Variants in KCNB2 observed in about 807,000 individuals in gnomAD.
KCNB2 encodes potassium voltage-gated channel subfamily B member 2.
KCNB2 carries 15 observed loss-of-function variants against 61.5 expected under a neutral mutation model. That is an observed-to-expected ratio of 0.24 (90% CI 0.16 to 0.38). KCNB2 has a LOEUF of 0.38. Ranked by LOEUF, KCNB2 falls within the 10% of genes least tolerant of loss-of-function variation. The probability of loss-of-function intolerance (pLI) is 1.00; values close to 1 mark genes in which losing one functional copy is unlikely to be tolerated. For synonymous variants in KCNB2, 457 were observed against 446.0 expected, an observed-to-expected ratio of 1.02 and a Z score of -0.31; for missense variants, 828 against 1,125.2, an observed-to-expected ratio of 0.74 and a Z score of 3.78.
intron 2 of KCNB2, among the ~76,000 whole-genome samples, chr8:72,686,629 G>A (rs930638150): frequency 1.3e-5 from 2 of 152,170 alleles, no homozygotes; most frequent in Admixed American, 6.5e-5. Flanking sequence ...TAAGCAACCT[G>A]AAAACAACCT....
At chr8:72,763,151 C>A (rs564171306) in intron 2 of KCNB2, among the ~76,000 whole-genome samples, 6 of 151,908 alleles carry the variant, frequency 3.9e-5, no homozygotes, top group African/African-American at 1.4e-4. Flanking sequence ...TGAGAAAGGG[C>A]TTCTCTCTAG....
intron 2 of KCNB2, among the ~76,000 whole-genome samples, chr8:72,894,618 C>A (rs1805956782): frequency 7.2e-6 from 1 of 139,006 alleles, no homozygotes; most frequent in South Asian, 2.3e-4. Flanking sequence ...AAACCTTCAT[C>A]AATCTTTCCA....
intron 2 of KCNB2, among the ~76,000 whole-genome samples, chr8:72,794,787 A>C (rs1174173004): frequency 1.3e-5 from 2 of 152,204 alleles, no homozygotes; most frequent in African/African-American, 4.8e-5. Context: ...CAAATTTAGA[A>C]GCCCCCATTA....
chr8:72,744,481 G>A (rs1361085493), intron 2 of KCNB2, among the ~76,000 whole-genome samples: 1 of 152,098 alleles, frequency 6.6e-6, no homozygotes, highest in South Asian at 2.1e-4. Flanking sequence ...TTATTTGTGT[G>A]GGAGAGGTGG....
chr8:72,539,868 A>G (rs1441168777), intron 1 of KCNB2, among the ~76,000 whole-genome samples: 1 of 152,148 alleles, frequency 6.6e-6, no homozygotes, highest in Non-Finnish European at 1.5e-5. Context: ...TTTGGCTTTT[A>G]AAACTTCATA....
chr8:72,927,180 G>A (rs534784446), intron 2 of KCNB2, among the ~76,000 whole-genome samples: 20 of 152,064 alleles, frequency 1.3e-4, no homozygotes, highest in Non-Finnish European at 2.8e-4. Flanking sequence ...AGAAGGAAGC[G>A]CGTCAAACTC....
chr8:72,704,603 A>C (rs1285749852), intron 2 of KCNB2, among the ~76,000 whole-genome samples: 1 of 151,890 alleles, frequency 6.6e-6, no homozygotes, highest in Non-Finnish European at 1.5e-5. Context: ...GTGTCCCCAA[A>C]AGGACCTCAG....
intron 1 of KCNB2, among the ~76,000 whole-genome samples, chr8:72,539,010 A>G (rs190898863): frequency 2.0e-5 from 3 of 152,316 alleles, no homozygotes; most frequent in African/African-American, 7.2e-5. Flanking sequence ...AAAGAGGGTA[A>G]CATTCTAAAG....
chr8:72,764,464 G>T (rs367640506), intron 2 of KCNB2, among the ~76,000 whole-genome samples: 84 of 152,262 alleles, frequency 5.5e-4, no homozygotes, highest in African/African-American at 1.9e-3. Flanking sequence ...CAGGGCTCAT[G>T]GTTCTATCAA....
intron 2 of KCNB2, among the ~76,000 whole-genome samples, chr8:72,655,174 C>G (rs570951679): frequency 6.6e-6 from 1 of 152,174 alleles, no homozygotes; most frequent in South Asian, 2.1e-4. Context: ...AGGCTATTAT[C>G]CTAAGCAAAC....
intron 2 of KCNB2, chr8:72,619,372 C>G: frequency 1.9e-6 from 1 of 533,574 alleles, no homozygotes; most frequent in Non-Finnish European, 3.7e-6. Context: ...TATTCACTTG[C>G]TTTCTGCCTG....
At position 72,870,127 on chromosome 8, in the gene KCNB2, G is replaced by A. The variant is rs1805593043; in HGVS notation, c.580-65808G>A. Among the ~76,000 whole-genome samples the A allele has an allele frequency of 3.3e-5, 5 of 152,166 alleles. No individual in the cohort carries two copies. In the South Asian group the frequency reaches 8.3e-4, roughly 25 times the overall value. On this transcript the variant is annotated intron_variant, in intron 2 of 2. Coordinates refer to ENST00000523207, the MANE Select transcript of KCNB2 (RefSeq NM_004770.3). Reference sequence around the variant, plus strand: ...TACTGAATGATTCCATTTATATGAAGTTCCTAGAGTAGTCACATTCATAGA... The same window carrying A: ...TACTGAATGATTCCATTTATATGAAATTCCTAGAGTAGTCACATTCATAGA...
At chr8:72,734,626 C>T (rs114856289) in intron 2 of KCNB2, among the ~76,000 whole-genome samples, 2,553 of 152,138 alleles carry the variant, frequency 0.017, 65 homozygotes, top group African/African-American at 0.059. Context: ...GAATATTCCC[C>T]GGGAGAAGAA....
At chr8:72,583,145 A>G (rs1195576274) in intron 2 of KCNB2, among the ~76,000 whole-genome samples, 1 of 152,156 alleles carries the variant, frequency 6.6e-6, no homozygotes, top group Non-Finnish European at 1.5e-5. Context: ...CTACTTGGTG[A>G]TAAAGAATGT....
chr8:72,918,043 C>G (rs908051346), intron 2 of KCNB2, among the ~76,000 whole-genome samples: 1 of 152,176 alleles, frequency 6.6e-6, no homozygotes, highest in Non-Finnish European at 1.5e-5. Context: ...TGCCAATATG[C>G]AAACAGGCAA....
intron 2 of KCNB2, among the ~76,000 whole-genome samples, chr8:72,925,041 G>T (rs1472651353): frequency 6.6e-6 from 1 of 152,164 alleles, no homozygotes. Context: ...TCTTAATGAT[G>T]CTGACCCCAA....
At chr8:72,867,650 A>G (rs1394234365) in intron 2 of KCNB2, among the ~76,000 whole-genome samples, 1 of 152,228 alleles carries the variant, frequency 6.6e-6, no homozygotes, top group Non-Finnish European at 1.5e-5. Context: ...TAGTGAGTTG[A>G]GACATTTTTT....
chr8:72,797,183 AAG>A (rs1563388092), intron 2 of KCNB2, among the ~76,000 whole-genome samples: 1 of 152,216 alleles, frequency 6.6e-6, no homozygotes, highest in Non-Finnish European at 1.5e-5. Flanking sequence ...TAATCTCTAA[AAG>A]AGAATCCTTG....
chr8:72,658,176 ACAGT>A (rs1348998064), intron 2 of KCNB2, among the ~76,000 whole-genome samples: 1 of 152,210 alleles, frequency 6.6e-6, no homozygotes, highest in Admixed American at 6.5e-5. Context: ...CTTGAGCCAC[ACAGT>A]CAGCCAAGTT....
Sources: allele counts gnomAD v4.1 joint callset (sites outside exome capture counted in the v4.1 genomes callset), GRCh38; gene constraint gnomAD v4.1.1; transcripts MANE v1.5; gene names NCBI Gene and HGNC (gene_info 2026-07-23, HGNC 2026-07-21).